The following SLC25A48 variants were observed in gnomAD, a reference collection of about 807,000 sequenced individuals.
SLC25A48 encodes the protein CTC-321K16.1.
SLC25A48 carries 29 observed loss-of-function variants against 32.2 expected under a neutral mutation model. That is an observed-to-expected ratio of 0.90 (90% CI 0.67 to 1.23). The LOEUF is 1.23. SLC25A48 is among the 50% of genes most tolerant of loss of function. The pLI is 0.00. For synonymous variants in SLC25A48, 164 were observed against 172.3 expected (o/e 0.95, Z 0.38); for missense variants, 399 against 422.7 (o/e 0.94, Z 0.49).
chr5:135,733,648 A>T (rs1458263261), intron 3 of SLC25A48, among the ~76,000 whole-genome samples: 1 of 152,152 alleles, frequency 6.6e-6, no homozygotes, highest in Non-Finnish European at 1.5e-5. Flanking sequence ...CAGTAAGGTC[A>T]AGTTGTTTGG....
At chr5:135,673,614 A>G (rs1753703487) in intron 3 of SLC25A48, among the ~76,000 whole-genome samples, 1 of 152,052 alleles carries the variant, frequency 6.6e-6, no homozygotes, top group South Asian at 2.1e-4. Flanking sequence ...TATTTTTGGT[A>G]CAAGTTCTTT....
chr5:135,769,513 T>C (rs1756344722), intron 3 of SLC25A48, among the ~76,000 whole-genome samples: 2 of 151,744 alleles, frequency 1.3e-5, no homozygotes, highest in Non-Finnish European at 2.9e-5. Context: ...ACTCCTAATA[T>C]TGCAGGTGGT....
intron 7 of SLC25A48, among the ~76,000 whole-genome samples, chr5:135,881,285 T>A (rs1283326537): frequency 2.0e-5 from 3 of 152,230 alleles, no homozygotes; most frequent in African/African-American, 7.2e-5. Context: ...TCTTTGTCTA[T>A]AAAACCTCAC....
intron 4 of SLC25A48, among the ~76,000 whole-genome samples, chr5:135,828,791 G>T (rs945594865): frequency 6.6e-6 from 1 of 152,144 alleles, no homozygotes; most frequent in African/African-American, 2.4e-5. Context: ...TGGCATTCAG[G>T]GTCCTCAGGA....
rs191634966 is a variant in SLC25A48, at chr5:135,681,016, G to A, written c.-521+46060G>A. Reference sequence around the variant, plus strand: ...TTTCCTTTTTTTGAGATGGAGTTTCGCTCTAGTTGGCAAGGATAGAGTGCA... The same window carrying A: ...TTTCCTTTTTTTGAGATGGAGTTTCACTCTAGTTGGCAAGGATAGAGTGCA... On this transcript the variant is annotated intron_variant, in intron 3 of 10. Coordinates refer to the SLC25A48 transcript ENST00000646290. Among the ~76,000 whole-genome samples, 510 of 150,856 alleles carry A rather than the reference G, an allele frequency of 3.4e-3. 2 individuals are homozygous for A. The highest frequency in any genetic ancestry group is 0.012 in the African/African-American group (474 of 41,010).
intron 4 of SLC25A48, among the ~76,000 whole-genome samples, chr5:135,823,278 A>G (rs1374082394): frequency 6.6e-6 from 1 of 152,178 alleles, no homozygotes; most frequent in African/African-American, 2.4e-5. Context: ...GCCCCCTGCC[A>G]TGTTCCTGAT....
intron 3 of SLC25A48, among the ~76,000 whole-genome samples, chr5:135,727,375 T>G (rs1755115108): frequency 6.6e-6 from 1 of 152,124 alleles, no homozygotes; most frequent in Admixed American, 6.5e-5. Context: ...TTTTTAATCC[T>G]CCTAGCAGGG....
intron 3 of SLC25A48, among the ~76,000 whole-genome samples, chr5:135,742,873 C>T (rs984392966): frequency 6.7e-6 from 1 of 149,640 alleles, no homozygotes; most frequent in African/African-American, 2.5e-5. Context: ...GTATTCCCAG[C>T]TCCAGAAGAG....
chr5:135,746,075 C>T (rs999833130), intron 3 of SLC25A48, among the ~76,000 whole-genome samples: 7 of 152,126 alleles, frequency 4.6e-5, no homozygotes, highest in Non-Finnish European at 8.8e-5. Flanking sequence ...TTTCAAGCTC[C>T]GCCCTCACGC....
At chr5:135,587,041 G>GT (rs1017494344) in intron 1 of SLC25A48, among the ~76,000 whole-genome samples, 5 of 151,942 alleles carry the variant, frequency 3.3e-5, no homozygotes, top group African/African-American at 7.3e-5. Flanking sequence ...GTTTTGTTTT[G>GT]TTTTTTTGAG....
At chr5:135,856,172 T>G (rs982657181) in intron 4 of SLC25A48, among the ~76,000 whole-genome samples, 1 of 152,198 alleles carries the variant, frequency 6.6e-6, no homozygotes, top group African/African-American at 2.4e-5. Flanking sequence ...TCAGGTTAGA[T>G]ACTGCCCTTC....
In SLC25A48 at chr5:135,629,712, G is replaced by A. The variant is rs1415091231; in HGVS notation, c.-709+336G>A. 6.6e-6 allele frequency among the ~76,000 whole-genome samples: 1 copy of A among 152,218 alleles called. No homozygotes were observed. Among genetic ancestry groups the A allele is most frequent in the Non-Finnish European group, 1.5e-5 (1 of 68,038 alleles). Reference sequence around the variant, plus strand: ...ATCAGTTATCACAACCAAGGAGCGAGGGAGCTGGGGCATTGATCCTTCAAC... The same window carrying A: ...ATCAGTTATCACAACCAAGGAGCGAAGGAGCTGGGGCATTGATCCTTCAAC... On this transcript the variant is annotated intron_variant, in intron 2 of 10. Transcript: ENST00000646290. The surrounding 1 kb of genome is among the most constrained non-coding windows in gnomAD (Gnocchi z 4.8).
intron 3 of SLC25A48, among the ~76,000 whole-genome samples, chr5:135,666,870 T>C (rs2126938706): frequency 6.6e-6 from 1 of 152,184 alleles, no homozygotes; most frequent in East Asian, 1.9e-4. Context: ...GGGAGGAGAT[T>C]CAATGGGAAC....
At chr5:135,754,246 C>A (rs951478302) in intron 3 of SLC25A48, among the ~76,000 whole-genome samples, 14 of 152,030 alleles carry the variant, frequency 9.2e-5, no homozygotes, top group East Asian at 1.9e-4. Flanking sequence ...TAGCAGCAGT[C>A]ATTTCTCAAG....
intron 7 of SLC25A48, chr5:135,882,940 A>T: frequency 1.9e-6 from 1 of 520,144 alleles, no homozygotes; most frequent in Non-Finnish European, 2.5e-6. Context: ...AGCCTCTGCC[A>T]GTCTGTACTT....
At chr5:135,797,018 G>A (rs998729383) in intron 3 of SLC25A48, among the ~76,000 whole-genome samples, 5 of 151,816 alleles carry the variant, frequency 3.3e-5, no homozygotes, top group African/African-American at 1.2e-4. Flanking sequence ...ATCCAGGGGA[G>A]AAAAGGACTA....
chr5:135,824,489 A>G (rs1439364099), intron 4 of SLC25A48: 15 of 152,292 alleles, frequency 9.8e-5, no homozygotes, highest in Admixed American at 9.8e-4. Flanking sequence ...TGTCCTCCCA[A>G]CAGCAGGCCA....
At chr5:135,637,106 A>AC (rs1752723237) in intron 3 of SLC25A48, among the ~76,000 whole-genome samples, 1 of 152,240 alleles carries the variant, frequency 6.6e-6, no homozygotes, top group African/African-American at 2.4e-5. Context: ...CAGTGAGTTA[A>AC]ACTGACCCTG....
intron 4 of SLC25A48, among the ~76,000 whole-genome samples, chr5:135,820,853 T>G (rs1757865291): frequency 6.6e-6 from 1 of 152,168 alleles, no homozygotes; most frequent in Admixed American, 6.5e-5. Flanking sequence ...CAGCAGTAGA[T>G]GGGGACCAGG....
Sources: allele counts gnomAD v4.1 joint callset (sites outside exome capture counted in the v4.1 genomes callset), GRCh38; gene constraint gnomAD v4.1.1; non-coding constraint Gnocchi (gnomAD v3.1); transcripts MANE v1.5; gene names NCBI Gene and HGNC (gene_info 2026-07-23, HGNC 2026-07-21).